Variants in NCAM1 observed in about 807,000 individuals in gnomAD.
The protein encoded by NCAM1 is neural cell adhesion molecule 1.
NCAM1 carries 14 observed loss-of-function variants against 109.8 expected under a neutral mutation model. That is an observed-to-expected ratio of 0.13 (90% CI 0.08 to 0.20). NCAM1 has a LOEUF of 0.20. Ranked by LOEUF, NCAM1 falls within the 10% of genes least tolerant of loss-of-function variation. The pLI, the probability that NCAM1 is intolerant of heterozygous loss-of-function variation, is 1.00. For missense variants in NCAM1, 774 were observed against 1,109.9 expected, an observed-to-expected ratio of 0.70 and a Z score of 4.30; for synonymous variants, 418 against 442.9, an observed-to-expected ratio of 0.94 and a Z score of 0.70.
chr11:113,266,937 G>A (rs2137729707), intron 17 of NCAM1, among the ~76,000 whole-genome samples: 1 of 152,266 alleles, frequency 6.6e-6, no homozygotes, highest in East Asian at 1.9e-4. Flanking sequence ...CTCCTGCCCA[G>A]TGTGGGAGCC....
chr11:113,202,341 T>G, intron 1 of NCAM1, 38 bp from the exon 2 acceptor site: 1 of 1,559,858 alleles, frequency 6.4e-7, no homozygotes, highest in South Asian at 1.2e-5. Context: ...GGTTTTTTTT[T>G]GTTTTTTGTT....
intron 1 of NCAM1, among the ~76,000 whole-genome samples, chr11:113,100,282 C>T (rs1438023286): frequency 1.3e-5 from 2 of 152,244 alleles, no homozygotes; most frequent in East Asian, 3.9e-4. Flanking sequence ...CAAGTGGGTG[C>T]CAGGGCTGGG....
chr11:113,238,404 C>T (rs913637268), intron 14 of NCAM1, among the ~76,000 whole-genome samples: 1 of 152,104 alleles, frequency 6.6e-6, no homozygotes, highest in Non-Finnish European at 1.5e-5. Flanking sequence ...CCAAAGATAA[C>T]TTATTATGGT....
At chr11:113,189,470 A>C (rs1373240952) in intron 1 of NCAM1, among the ~76,000 whole-genome samples, 1 of 151,312 alleles carries the variant, frequency 6.6e-6, no homozygotes, top group African/African-American at 2.4e-5. Flanking sequence ...AAAAAAAAGA[A>C]AAGAAAAGAA....
intron 1 of NCAM1, among the ~76,000 whole-genome samples, chr11:113,153,728 C>A (rs999660428): frequency 1.3e-5 from 2 of 152,112 alleles, no homozygotes; most frequent in African/African-American, 4.8e-5. Flanking sequence ...TTTGTGTGTA[C>A]AGGTGGCAGT....
intron 1 of NCAM1, among the ~76,000 whole-genome samples, chr11:113,200,667 CT>C (rs1555111673): frequency 6.6e-6 from 1 of 152,124 alleles, no homozygotes. Flanking sequence ...TCTGAGACCC[CT>C]TTGGGCTCTC....
intron 1 of NCAM1, among the ~76,000 whole-genome samples, chr11:113,101,438 C>G (rs1555091490): frequency 6.6e-6 from 1 of 152,120 alleles, no homozygotes; most frequent in Non-Finnish European, 1.5e-5. Context: ...TATTTCTTTC[C>G]ATATTTAACT....
intron 1 of NCAM1, among the ~76,000 whole-genome samples, chr11:113,009,645 C>A (rs1219997387): frequency 2.0e-5 from 3 of 152,090 alleles, no homozygotes; most frequent in Non-Finnish European, 4.4e-5. Context: ...TGTTGTTCCT[C>A]TCTAGGACTC....
chr11:113,240,885 A>C (rs1945303876), intron 14 of NCAM1: 3 of 1,560,318 alleles, frequency 1.9e-6, no homozygotes, highest in South Asian at 2.2e-5. Context: ...TCCACCAGCC[A>C]CAGTTTGTTT....
intron 1 of NCAM1, among the ~76,000 whole-genome samples, chr11:113,020,953 C>T (rs529424567): frequency 7.4e-4 from 113 of 152,148 alleles, no homozygotes; most frequent in African/African-American, 2.6e-3. Flanking sequence ...GATGGGATTT[C>T]GCCATGTTGG....
intron 1 of NCAM1, among the ~76,000 whole-genome samples, chr11:113,138,040 C>G (rs1941667409): frequency 6.6e-6 from 1 of 152,074 alleles, no homozygotes; most frequent in Non-Finnish European, 1.5e-5. Flanking sequence ...AAATTCTCAT[C>G]TAAGAAAACA....
intron 1 of NCAM1, among the ~76,000 whole-genome samples, chr11:113,125,814 T>G (rs1449685251): frequency 2.0e-5 from 3 of 152,286 alleles, no homozygotes; most frequent in Non-Finnish European, 4.4e-5. Flanking sequence ...ATCCTAAATC[T>G]TTGAGTCTTT....
intron 1 of NCAM1, among the ~76,000 whole-genome samples, chr11:112,986,015 T>G (rs1219160352): frequency 6.6e-6 from 1 of 152,002 alleles, no homozygotes; most frequent in Admixed American, 6.6e-5. Context: ...TCTTTCAACT[T>G]TTTAAGGTTA....
intron 1 of NCAM1, among the ~76,000 whole-genome samples, chr11:113,167,542 T>A (rs1376017681): frequency 1.6e-5 from 1 of 61,474 alleles, no homozygotes; most frequent in Non-Finnish European, 3.6e-5. Context: ...TTTTTTTTAA[T>A]TAAAAAAAAA....
At chr11:113,221,220 GT>G in intron 8 of NCAM1, 75 bp from the exon 9 acceptor site, 1 of 1,439,768 alleles carries the variant, frequency 6.9e-7, no homozygotes, top group South Asian at 1.2e-5. Flanking sequence ...GGAATGCAGT[GT>G]GATACATTCT....
At chr11:113,227,719 A>T (rs1418435051) in intron 9 of NCAM1, among the ~76,000 whole-genome samples, 1 of 152,226 alleles carries the variant, frequency 6.6e-6, no homozygotes, top group Admixed American at 6.5e-5. Context: ...CAAACACATC[A>T]AAAAGCTTAT....
intron 1 of NCAM1, among the ~76,000 whole-genome samples, chr11:113,081,906 C>T (rs17114770): frequency 6.6e-6 from 1 of 152,086 alleles, no homozygotes. Flanking sequence ...TCCAATAACG[C>T]CTTTACTATC....
At chr11:113,050,097 T>C (rs950843235) in intron 1 of NCAM1, among the ~76,000 whole-genome samples, 7 of 89,794 alleles carry the variant, frequency 7.8e-5, no homozygotes, top group African/African-American at 2.7e-4. Context: ...TTTTGCTCTG[T>C]GGTGAGAACG....
chr11:113,027,978 G>A (rs1952601991), intron 1 of NCAM1, among the ~76,000 whole-genome samples: 1 of 152,150 alleles, frequency 6.6e-6, no homozygotes, highest in Admixed American at 6.5e-5. Context: ...TCACTCATAT[G>A]TAGAATCTAA....
Sources: gnomAD v4.1 joint callset for allele counts (sites outside exome capture counted in the v4.1 genomes callset) on GRCh38, gnomAD v4.1.1 for gene constraint, MANE v1.5 for transcripts, NCBI Gene and HGNC (gene_info 2026-07-23, HGNC 2026-07-21) for gene names.